The following USP37 variants were observed in gnomAD, a reference collection of about 807,000 sequenced individuals.
The protein encoded by USP37 is ubiquitin specific peptidase 37.
USP37 carries 27 observed loss-of-function variants against 124.0 expected under a neutral mutation model. That is an observed-to-expected ratio of 0.22 (90% confidence interval 0.16 to 0.30). USP37 has a LOEUF of 0.30. USP37 is among the 10% of genes least tolerant of loss of function. USP37 has a pLI of 1.00. For synonymous variants in USP37, 365 were observed against 388.0 expected, an observed-to-expected ratio of 0.94 and a Z score of 0.70; for missense variants, 889 against 1,140.4, an observed-to-expected ratio of 0.78 and a Z score of 3.17.
At chr2:218,509,724 G>C (rs1689873447) in intron 11 of USP37, among the ~76,000 whole-genome samples, 1 of 152,154 alleles carries the variant, frequency 6.6e-6, no homozygotes, top group Non-Finnish European at 1.5e-5. Flanking sequence ...GCAGCAGAAT[G>C]AAGTGTACTG....
intron 10 of USP37, among the ~76,000 whole-genome samples, chr2:218,526,990 G>A (rs909039545): frequency 8.6e-5 from 13 of 151,588 alleles, no homozygotes; most frequent in African/African-American, 2.9e-4. Context: ...GGGTTTCACC[G>A]TGTTAGCCAG....
chr2:218,525,684 T>C (rs948717870), intron 10 of USP37, among the ~76,000 whole-genome samples: 2 of 152,184 alleles, frequency 1.3e-5, no homozygotes. Context: ...AATTTTACAA[T>C]ATAAATTTTT....
intron 17 of USP37, among the ~76,000 whole-genome samples, chr2:218,480,401 A>C (rs1691204290): frequency 8.3e-6 from 1 of 120,290 alleles, no homozygotes; most frequent in African/African-American, 6.9e-5. Context: ...TCCGTCTCAA[A>C]AAAAAAAAAA....
intron 17 of USP37, among the ~76,000 whole-genome samples, chr2:218,480,398 C>CAAAAAA (rs397868988): frequency 1.2e-4 from 6 of 48,858 alleles, no homozygotes; most frequent in Admixed American, 3.0e-4. Flanking sequence ...GACTCCGTCT[C>CAAAAAA]AAAAAAAAAA....
chr2:218,563,095 G>A (rs889769377), intron 1 of USP37, among the ~76,000 whole-genome samples: 1 of 151,382 alleles, frequency 6.6e-6, no homozygotes, highest in Non-Finnish European at 1.5e-5. Context: ...CCCAGGAGGT[G>A]GAGGTTGCAG....
intron 24 of USP37, 105 bp downstream of exon 24, chr2:218,456,987 G>T: frequency 1.8e-6 from 2 of 1,091,360 alleles, no homozygotes; most frequent in Non-Finnish European, 1.3e-6. Flanking sequence ...AAAAGAAAAA[G>T]AAAAAGAAAA....
chr2:218,463,430 G>A (rs1468067837), intron 21 of USP37, 64 bp from the exon 22 acceptor site: 2 of 1,438,382 alleles, frequency 1.4e-6, no homozygotes, highest in African/African-American at 1.4e-5. Flanking sequence ...ACTTAATGAG[G>A]ATAAAATCAG....
intron 10 of USP37, among the ~76,000 whole-genome samples, chr2:218,512,572 G>A (rs1690060549): frequency 6.6e-6 from 1 of 152,048 alleles, no homozygotes; most frequent in South Asian, 2.1e-4. Flanking sequence ...CATGGGAAAA[G>A]TGTATAAAAA....
intron 11 of USP37, among the ~76,000 whole-genome samples, chr2:218,505,091 C>T (rs140728773): frequency 4.6e-4 from 70 of 152,012 alleles, no homozygotes; most frequent in African/African-American, 1.4e-3. Context: ...CACGGTTCAC[C>T]GTGGCCTCGA....
At chr2:218,482,262 T>C in intron 16 of USP37, 28 bp from the exon 17 acceptor site, 1 of 1,597,962 alleles carries the variant, frequency 6.3e-7, no homozygotes, top group African/African-American at 1.3e-5. Context: ...ACAACCTTAC[T>C]AATTCATACA....
intron 6 of USP37, among the ~76,000 whole-genome samples, chr2:218,547,550 G>A (rs1692419476): frequency 7.0e-6 from 1 of 143,178 alleles, no homozygotes; most frequent in South Asian, 2.2e-4. Flanking sequence ...CACACCTGTT[G>A]AGGGGGCAAG....
chr2:218,471,395 C>A (rs1042561223), intron 20 of USP37, among the ~76,000 whole-genome samples: 2 of 152,172 alleles, frequency 1.3e-5, no homozygotes, highest in Admixed American at 1.3e-4. Context: ...ACTGAGAAAA[C>A]AGGCTGCTGA....
chr2:218,501,127 C>G lies in USP37; in HGVS notation c.1026-2970G>C, dbSNP rs778558126. On this transcript the variant is annotated intron_variant, in intron 11 of 25. Transcript: ENST00000258399. Reference sequence around the variant, plus strand: ...AATCTTGGCTCCCTGCAACCTCGACCCCCCCGGACTCAGATGATCCTCCCA... The same window carrying G: ...AATCTTGGCTCCCTGCAACCTCGACGCCCCCGGACTCAGATGATCCTCCCA... 4.6e-5 allele frequency: 7 copies of G among 151,760 alleles called. 1 individual carries two copies. Among genetic ancestry groups the G allele is most frequent in the African/African-American group, 7.3e-5 (3 of 41,248 alleles). The allele number at this position is 151,760 out of a possible 1,614,324, so 9.4% of individuals were successfully genotyped here. A position where few individuals can be genotyped will look rare whatever the true frequency, so the allele number is the denominator to read the frequency against.
intron 5 of USP37, among the ~76,000 whole-genome samples, chr2:218,552,848 G>A (rs1253176596): frequency 6.6e-6 from 1 of 152,022 alleles, no homozygotes; most frequent in Non-Finnish European, 1.5e-5. Flanking sequence ...CTCCTCCCTG[G>A]TGGAGGTTGC....
At chr2:218,504,754 ATTT>A (rs1305867908) in intron 11 of USP37, among the ~76,000 whole-genome samples, 2 of 151,220 alleles carry the variant, frequency 1.3e-5, no homozygotes, top group Non-Finnish European at 2.9e-5. Flanking sequence ...CATTTTATTT[ATTT>A]TTTTATTTTT....
rs1690418686 is a variant in USP37 at position 218,467,520 on chromosome 2, T to A, written c.2300-1344A>T. On this transcript the variant is annotated intron_variant, in intron 20 of 25. Coordinates refer to ENST00000258399, the MANE Select transcript of USP37 (RefSeq NM_020935.3). ...CACGCCACCACGCCCGGCTAATTTT[T>A]GTATTTTTAGTAGAGACGGGGTTTC... Among the ~76,000 whole-genome samples the A allele has an allele frequency of 5.3e-5, 8 of 152,306 alleles. No individual in the cohort carries two copies. In the South Asian group the frequency reaches 1.7e-3, roughly 32 times the overall value.
chr2:218,547,033 A>T lies in USP37; in HGVS notation c.488T>A (p.Leu163His). Residue 163 changes from leucine to histidine, a missense_variant, in exon 7 of 26, where the codon CTT becomes CAT. Coordinates refer to ENST00000258399, the MANE Select transcript of USP37 (RefSeq NM_020935.3). ...TKDDIPFRKV[L>H]GNPGRGSIKT... ...AATCGATCCTCTACCCGGATTACCA[A>T]GAACTTTTCGAAATGGAATATCATC... 1 of 1,611,840 alleles carries T rather than the reference A, an allele frequency of 6.2e-7. No homozygotes were observed. Among genetic ancestry groups the T allele is most frequent in the East Asian group, 2.2e-5 (1 of 44,850 alleles).
chr2:218,555,998 A>T (rs1009961746), intron 4 of USP37, among the ~76,000 whole-genome samples: 2 of 152,062 alleles, frequency 1.3e-5, no homozygotes, highest in Non-Finnish European at 2.9e-5. Flanking sequence ...TTCCTCATCT[A>T]AACTCCCATA....
chr2:218,519,056 T>G (rs1272839005), intron 10 of USP37, among the ~76,000 whole-genome samples: 2 of 152,220 alleles, frequency 1.3e-5, no homozygotes, highest in Non-Finnish European at 2.9e-5. Flanking sequence ...ATATAGTTTT[T>G]CAGTAATACC....
Sources: gnomAD v4.1 joint callset for allele counts (sites outside exome capture counted in the v4.1 genomes callset) on GRCh38, gnomAD v4.1.1 for gene constraint, MANE v1.5 for transcripts, NCBI Gene and HGNC (gene_info 2026-07-23, HGNC 2026-07-21) for gene names.